The following NRXN1 variants were observed in gnomAD, a reference collection of about 807,000 sequenced individuals.
The protein encoded by NRXN1 is neurexin 1.
Under a neutral mutation model 150.9 loss-of-function variants are expected in NRXN1, and 39 were observed. That is an observed-to-expected ratio of 0.26 (90% CI 0.20 to 0.34). The LOEUF (loss-of-function observed/expected upper bound fraction) is 0.34. NRXN1 is among the 10% of genes least tolerant of loss of function. NRXN1 has a pLI of 1.00. For synonymous variants in NRXN1, 924 were observed against 757.0 expected (o/e 1.22, Z -3.62); for missense variants, 1,815 against 1,949.9 (o/e 0.93, Z 1.30).
intron 18 of NRXN1, among the ~76,000 whole-genome samples, chr2:50,203,624 C>G (rs2062348546): frequency 6.6e-6 from 1 of 152,126 alleles, no homozygotes; most frequent in African/African-American, 2.4e-5. Flanking sequence ...TTCACAAGAG[C>G]TATCACAATG....
At position 50,346,758 on chromosome 2, in the gene NRXN1, G is replaced by A. The variant is rs1430787882; in HGVS notation, c.3365-109788C>T. The A allele has an allele frequency of 1.9e-6, 3 of 1,613,914 alleles. No individual in the cohort carries two copies. The highest frequency in any genetic ancestry group is 3.3e-4 in the Middle Eastern group (2 of 6,062). ...TAGGCACTGAATGATGCTTGCTGCT[G>A]CCATGGAAATGGTGGATGTGGTGCG... On this transcript the variant is annotated intron_variant, in intron 17 of 22. Coordinates refer to ENST00000401669, the MANE Select transcript of NRXN1 (RefSeq NM_001330078.2). The surrounding 1 kb of genome is among the most constrained non-coding windows in gnomAD (Gnocchi z 5.0).
chr2:50,067,597 T>C (rs1378372827), intron 19 of NRXN1, among the ~76,000 whole-genome samples: 1 of 152,206 alleles, frequency 6.6e-6, no homozygotes, highest in African/African-American at 2.4e-5. Flanking sequence ...TTAAAGGTCA[T>C]ACTCTGTTAT....
chr2:50,797,590 A>G (rs1290286044), intron 5 of NRXN1, among the ~76,000 whole-genome samples: 1 of 152,188 alleles, frequency 6.6e-6, no homozygotes, highest in Admixed American at 6.6e-5. Context: ...ACTCTTCTAC[A>G]TATTATCTAT....
At chr2:50,318,414 T>TACTGCA (rs1458590898) in intron 17 of NRXN1, among the ~76,000 whole-genome samples, 5 of 152,118 alleles carry the variant, frequency 3.3e-5, no homozygotes, top group Non-Finnish European at 4.4e-5. Context: ...GCATTATATG[T>TACTGCA]ACTGCAACAA....
At chr2:50,845,379 T>C (rs1673485935) in intron 5 of NRXN1, among the ~76,000 whole-genome samples, 2 of 152,334 alleles carry the variant, frequency 1.3e-5, no homozygotes, top group East Asian at 3.9e-4. Context: ...CAGTCTTATC[T>C]GGTAGATGTT....
chr2:50,931,841 G>A (rs1039673335), intron 2 of NRXN1, among the ~76,000 whole-genome samples: 1 of 151,934 alleles, frequency 6.6e-6, no homozygotes, highest in Non-Finnish European at 1.5e-5. Context: ...TTTTCCAGGA[G>A]GCTCTCGGGA....
chr2:49,960,199 T>G (rs908468328), intron 21 of NRXN1, among the ~76,000 whole-genome samples: 15 of 152,210 alleles, frequency 9.9e-5, no homozygotes, highest in African/African-American at 3.6e-4. Context: ...TTTCAAGCAT[T>G]CAACTGAGTT....
chr2:50,004,408 G>C (rs1474624310), intron 21 of NRXN1, among the ~76,000 whole-genome samples: 1 of 152,026 alleles, frequency 6.6e-6, no homozygotes, highest in Non-Finnish European at 1.5e-5. Context: ...GTATTCTCTG[G>C]TGTCAATTTG....
chr2:50,545,424 G>A (rs754666210), intron 9 of NRXN1, among the ~76,000 whole-genome samples: 3 of 152,150 alleles, frequency 2.0e-5, no homozygotes, highest in East Asian at 1.9e-4. Context: ...CTAGGTCCGC[G>A]TGTGGTCAGT....
At chr2:50,991,354 G>A (rs1698510193) in intron 2 of NRXN1, among the ~76,000 whole-genome samples, 2 of 151,936 alleles carry the variant, frequency 1.3e-5, no homozygotes, top group Admixed American at 6.6e-5. Context: ...TATACCTAAG[G>A]TGGAAAAGAA....
chr2:50,724,020 G>A (rs905617054), intron 5 of NRXN1, among the ~76,000 whole-genome samples: 4 of 152,104 alleles, frequency 2.6e-5, no homozygotes, highest in African/African-American at 9.7e-5. Flanking sequence ...AATGGAGCAT[G>A]CACAACATTT....
intron 21 of NRXN1, among the ~76,000 whole-genome samples, chr2:49,975,771 T>A (rs558442927): frequency 6.6e-6 from 1 of 152,270 alleles, no homozygotes; most frequent in South Asian, 2.1e-4. Flanking sequence ...AGCACTGTAA[T>A]AGCCCCAAAC....
chr2:50,700,589 T>C (rs182596005), intron 5 of NRXN1, among the ~76,000 whole-genome samples: 2 of 152,338 alleles, frequency 1.3e-5, no homozygotes, highest in Admixed American at 6.5e-5. Flanking sequence ...TAACAAGTCC[T>C]TGGAATCTTT....
chr2:50,381,008 A>G (rs1443411482), intron 17 of NRXN1, among the ~76,000 whole-genome samples: 1 of 152,074 alleles, frequency 6.6e-6, no homozygotes, highest in Non-Finnish European at 1.5e-5. Context: ...TATAGTGATG[A>G]TTTATTTGTC....
intron 5 of NRXN1, among the ~76,000 whole-genome samples, chr2:50,772,067 C>G (rs1703073869): frequency 6.6e-6 from 1 of 152,000 alleles, no homozygotes. Context: ...TACCAGGTGA[C>G]TGGAGTACTG....
intron 17 of NRXN1, among the ~76,000 whole-genome samples, chr2:50,252,713 G>A (rs910165170): frequency 9.2e-5 from 14 of 151,952 alleles, no homozygotes; most frequent in East Asian, 1.9e-4. Flanking sequence ...CAGGTTTGTC[G>A]AAGATCAGGT....
rs376793615 is a variant in NRXN1, at chr2:49,972,585, C to T, written c.4129-28794G>A. On this transcript the variant is annotated intron_variant, in intron 21 of 22. Coordinates refer to ENST00000401669, the MANE Select transcript of NRXN1 (RefSeq NM_001330078.2). ...TTCGATGCTACTAACTAAAATAATA[C>T]AATAGCCTACTGTTAATTTCTCTTC... The T allele has an allele frequency of 8.1e-4, 124 of 152,236 alleles. 1 individual carries two copies. Among genetic ancestry groups the T allele is most frequent in the African/African-American group, 2.9e-3 (121 of 41,546 alleles). 9.4% of individuals were successfully genotyped at this position (152,236 alleles called of 1,614,324 possible). A position where few individuals can be genotyped will look rare whatever the true frequency, so the allele number is the denominator to read the frequency against.
chr2:50,840,618 G>A (rs1203633965), intron 5 of NRXN1, among the ~76,000 whole-genome samples: 1 of 152,040 alleles, frequency 6.6e-6, no homozygotes, highest in South Asian at 2.1e-4. Flanking sequence ...CATGCCTTGT[G>A]CAACTTCGGA....
intron 21 of NRXN1, among the ~76,000 whole-genome samples, chr2:50,027,642 G>A (rs1451376210): frequency 6.6e-6 from 1 of 152,064 alleles, no homozygotes; most frequent in African/African-American, 2.4e-5. Flanking sequence ...GGGTTTCCCA[G>A]CTTGGCCTTG....
Sources: allele counts gnomAD v4.1 joint callset (sites outside exome capture counted in the v4.1 genomes callset), GRCh38; gene constraint gnomAD v4.1.1; non-coding constraint Gnocchi (gnomAD v3.1); transcripts MANE v1.5; gene names NCBI Gene and HGNC (gene_info 2026-07-23, HGNC 2026-07-21).